Variants in CNTN4 observed in about 807,000 individuals in gnomAD.
The protein encoded by CNTN4 is contactin 4.
A neutral mutation model predicts 122.5 loss-of-function variants in CNTN4; 77 were observed. The ratio of observed to expected loss-of-function variants is 0.63; its 90% CI spans 0.52 to 0.76. The LOEUF (loss-of-function observed/expected upper bound fraction) is 0.76. CNTN4 is among the 30% of genes least tolerant of loss of function. The pLI is 0.00. For synonymous variants in CNTN4, 512 were observed against 447.0 expected, an observed-to-expected ratio of 1.15 and a Z score of -1.83; for missense variants, 1,256 against 1,259.1, an observed-to-expected ratio of 1.00 and a Z score of 0.04.
chr3:2,651,078 A>C (rs1375376468), intron 4 of CNTN4, among the ~76,000 whole-genome samples: 1 of 152,192 alleles, frequency 6.6e-6, no homozygotes, highest in Non-Finnish European at 1.5e-5. Context: ...TTGAGTGAAC[A>C]AGTTTATATG....
intron 3 of CNTN4, among the ~76,000 whole-genome samples, chr3:2,371,256 T>C (rs945671998): frequency 1.3e-5 from 2 of 152,226 alleles, no homozygotes; most frequent in African/African-American, 2.4e-5. Context: ...GCATTCTTTT[T>C]GTGGCTCATA....
intron 13 of CNTN4, among the ~76,000 whole-genome samples, chr3:2,946,830 C>T (rs995938820): frequency 6.6e-6 from 1 of 151,854 alleles, no homozygotes; most frequent in Non-Finnish European, 1.5e-5. Flanking sequence ...TCTTAGCCCC[C>T]ATGTAGCTGG....
intron 2 of CNTN4, among the ~76,000 whole-genome samples, chr3:2,296,609 A>G (rs576832347): frequency 6.6e-6 from 1 of 152,286 alleles, no homozygotes; most frequent in African/African-American, 2.4e-5. Context: ...CAGGGTGCGT[A>G]GATACAAATG....
At chr3:2,600,005 C>CTTTTTTTTTT (rs1220761684) in intron 4 of CNTN4, among the ~76,000 whole-genome samples, 297 of 28,290 alleles carry the variant, frequency 0.01, 55 homozygotes, top group Non-Finnish European at 0.023. Context: ...TTATGGAATT[C>CTTTTTTTTTT]TTCTTTTTTT....
chr3:2,858,387 G>C, intron 7 of CNTN4, among the ~76,000 whole-genome samples: 1 of 152,168 alleles, frequency 6.6e-6, no homozygotes, highest in Non-Finnish European at 1.5e-5. Flanking sequence ...CACTCAGACT[G>C]CTTTTGAGGA....
chr3:2,824,471 C>T (rs895524400), intron 7 of CNTN4, among the ~76,000 whole-genome samples: 1 of 151,114 alleles, frequency 6.6e-6, no homozygotes, highest in Non-Finnish European at 1.5e-5. Flanking sequence ...AAAACAAAAA[C>T]AAAAACAAAA....
chr3:2,617,688 T>C (rs2081824965), intron 4 of CNTN4, among the ~76,000 whole-genome samples: 1 of 152,080 alleles, frequency 6.6e-6, no homozygotes, highest in Non-Finnish European at 1.5e-5. Flanking sequence ...CCCAAAGTGC[T>C]GGGATTACAG....
At chr3:2,185,636 C>T (rs1414343797) in intron 2 of CNTN4, among the ~76,000 whole-genome samples, 5 of 152,114 alleles carry the variant, frequency 3.3e-5, no homozygotes, top group Non-Finnish European at 4.4e-5. Flanking sequence ...ATGAGCCCGG[C>T]TCTCAGTCTG....
At chr3:2,485,353 C>T (rs2076125161) in intron 3 of CNTN4, among the ~76,000 whole-genome samples, 1 of 152,252 alleles carries the variant, frequency 6.6e-6, no homozygotes. Flanking sequence ...GCAGGATCCA[C>T]TAGGTGAAGC....
chr3:2,830,092 T>G (rs1454849401), intron 7 of CNTN4, among the ~76,000 whole-genome samples: 1 of 152,218 alleles, frequency 6.6e-6, no homozygotes, highest in Admixed American at 6.5e-5. Context: ...TTCTGTCTCC[T>G]TTTTTCCTCA....
intron 2 of CNTN4, among the ~76,000 whole-genome samples, chr3:2,284,571 A>G (rs1456416687): frequency 6.6e-6 from 1 of 152,096 alleles, no homozygotes; most frequent in Non-Finnish European, 1.5e-5. Flanking sequence ...CAAGGAATTT[A>G]TAATGGAGCA....
chr3:2,770,591 T>A (rs1488397529), intron 6 of CNTN4, among the ~76,000 whole-genome samples: 19 of 152,212 alleles, frequency 1.2e-4, no homozygotes, highest in Admixed American at 1.2e-3. Context: ...CTTGCCTGGC[T>A]TCTACACATG....
intron 4 of CNTN4, among the ~76,000 whole-genome samples, chr3:2,704,296 C>CAAAAA (rs151155380): frequency 4.3e-5 from 3 of 69,508 alleles, no homozygotes; most frequent in Non-Finnish European, 2.7e-5. Context: ...GACTTCATTT[C>CAAAAA]AAAAAAAAAA....
intron 3 of CNTN4, among the ~76,000 whole-genome samples, chr3:2,522,149 TTGTGTGTGTG>T (rs71621496): frequency 3.2e-5 from 2 of 63,462 alleles, no homozygotes; most frequent in East Asian, 2.9e-3. Context: ...CCTAAGCAGT[TTGTGTGTGTG>T]TGTGTGTGTG....
intron 3 of CNTN4, among the ~76,000 whole-genome samples, chr3:2,418,571 G>C (rs1575589543): frequency 6.6e-6 from 1 of 152,080 alleles, no homozygotes; most frequent in South Asian, 2.1e-4. Flanking sequence ...TCAGCATAAG[G>C]CTGTAATTTG....
intron 2 of CNTN4, among the ~76,000 whole-genome samples, chr3:2,332,767 T>C (rs990969860): frequency 1.5e-4 from 23 of 149,952 alleles, no homozygotes; most frequent in Non-Finnish European, 4.4e-5. Context: ...TTAGGAGATA[T>C]ACCTAATGCT....
intron 3 of CNTN4, among the ~76,000 whole-genome samples, chr3:2,407,473 T>G (rs551752002): frequency 1.3e-5 from 2 of 152,274 alleles, no homozygotes; most frequent in East Asian, 3.9e-4. Context: ...AACAGAACTT[T>G]CATAAATCTG....
At chr3:2,277,880 G>T (rs2041576082) in intron 2 of CNTN4, among the ~76,000 whole-genome samples, 1 of 152,116 alleles carries the variant, frequency 6.6e-6, no homozygotes. Context: ...TCCTTGCATG[G>T]CTGACTAATT....
At chr3:2,466,970 C>CTTTTTTTTTTTTTT (rs60879017) in intron 3 of CNTN4, among the ~76,000 whole-genome samples, 30 of 115,788 alleles carry the variant, frequency 2.6e-4, no homozygotes, top group African/African-American at 4.0e-4. Context: ...TTCTTTCTTT[C>CTTTTTTTTTTTTTT]TTTTTTTTTT....
Sources: allele counts gnomAD v4.1 joint callset (sites outside exome capture counted in the v4.1 genomes callset), GRCh38; gene constraint gnomAD v4.1.1; transcripts MANE v1.5; gene names NCBI Gene and HGNC (gene_info 2026-07-23, HGNC 2026-07-21).